Variants in CLVS1 observed in about 807,000 individuals in gnomAD.
The protein encoded by CLVS1 is clavesin 1, also known as clavesin-1.
A neutral mutation model predicts 33.1 loss-of-function variants in CLVS1; 10 were observed. The ratio of observed to expected loss-of-function variants is 0.30; its 90% CI spans 0.19 to 0.51. The LOEUF (loss-of-function observed/expected upper bound fraction) is 0.51, where lower values mean the gene tolerates loss of function less well. Ranked by LOEUF, CLVS1 falls within the 20% of genes least tolerant of loss-of-function variation. CLVS1 has a pLI of 0.97. For missense variants in CLVS1, 343 were observed against 433.4 expected (o/e 0.79, Z 1.85); for synonymous variants, 163 against 166.1 (o/e 0.98, Z 0.14).
the CLVS1 span, among the ~76,000 whole-genome samples, chr8:61,007,826 G>GGGGAGGGAA: frequency 5.3e-5 from 8 of 152,200 alleles, no homozygotes; most frequent in Admixed American, 2.6e-4. Flanking sequence ...ACAACGGAAG[G>GGGGAGGGAA]GGGAGGGAAG....
At chr8:61,307,184 A>G (rs1185210164) in intron 2 of CLVS1, among the ~76,000 whole-genome samples, 1 of 152,214 alleles carries the variant, frequency 6.6e-6, no homozygotes, top group Non-Finnish European at 1.5e-5. Context: ...AATGCATTGC[A>G]AGTCATAATA....
At chr8:61,176,009 A>T (rs959615019) in intron 2 of CLVS1, among the ~76,000 whole-genome samples, 1 of 152,114 alleles carries the variant, frequency 6.6e-6, no homozygotes, top group Non-Finnish European at 1.5e-5. Context: ...CAGACCAAAC[A>T]CACTCTAGAT....
the CLVS1 span, among the ~76,000 whole-genome samples, chr8:61,011,621 G>A: frequency 6.6e-6 from 1 of 151,854 alleles, no homozygotes; most frequent in African/African-American, 2.4e-5. Context: ...GCTAATTTTT[G>A]TATTTTTAGT....
At chr8:61,416,340 A>G (rs1463341817) in intron 3 of CLVS1, among the ~76,000 whole-genome samples, 1 of 152,036 alleles carries the variant, frequency 6.6e-6, no homozygotes, top group Non-Finnish European at 1.5e-5. Context: ...ATACATACAT[A>G]CATACATACA....
intron 5 of CLVS1, among the ~76,000 whole-genome samples, chr8:61,491,972 T>C (rs1804103790): frequency 6.6e-6 from 1 of 152,190 alleles, no homozygotes; most frequent in South Asian, 2.1e-4. Flanking sequence ...AGGAGGGTTT[T>C]GTGAGTGTCA....
intron 1 of CLVS1, among the ~76,000 whole-genome samples, chr8:61,131,121 G>A (rs992946861): frequency 9.2e-5 from 14 of 152,182 alleles, no homozygotes; most frequent in African/African-American, 2.9e-4. Flanking sequence ...CCTAATGTGA[G>A]CCTCTTACCA....
At chr8:61,463,328 CT>C (rs1817435828) in intron 5 of CLVS1, among the ~76,000 whole-genome samples, 1 of 127,724 alleles carries the variant, frequency 7.8e-6, no homozygotes, top group Admixed American at 8.7e-5. Context: ...GGTTGTTGCA[CT>C]TTCTTAGCAT....
At chr8:61,008,366 T>C in the CLVS1 span, among the ~76,000 whole-genome samples, 3 of 151,992 alleles carry the variant, frequency 2.0e-5, no homozygotes, top group African/African-American at 7.3e-5. Flanking sequence ...ACCCCACTGT[T>C]AGAAAATTTT....
chr8:61,016,671 A>G, the CLVS1 span, among the ~76,000 whole-genome samples: 1 of 152,248 alleles, frequency 6.6e-6, no homozygotes, highest in Non-Finnish European at 1.5e-5. Context: ...GTGCATACAT[A>G]AGAGTGGAAG....
At chr8:61,475,572 T>C (rs1475780828) in intron 5 of CLVS1, among the ~76,000 whole-genome samples, 1 of 152,186 alleles carries the variant, frequency 6.6e-6, no homozygotes, top group African/African-American at 2.4e-5. Flanking sequence ...TTTCATGTGT[T>C]TTTTGGCTGC....
chr8:61,467,908 A>C (rs1367262183), intron 5 of CLVS1, among the ~76,000 whole-genome samples: 2 of 152,240 alleles, frequency 1.3e-5, no homozygotes, highest in African/African-American at 4.8e-5. Context: ...TCCACCACTA[A>C]GGACCTCTTC....
chr8:61,313,922 G>A (rs1048805974), intron 2 of CLVS1, among the ~76,000 whole-genome samples: 12 of 152,114 alleles, frequency 7.9e-5, no homozygotes, highest in Admixed American at 5.2e-4. Flanking sequence ...GGCACCACCT[G>A]GGAGTCATGG....
chr8:61,362,470 C>G (rs1224753072), intron 2 of CLVS1, among the ~76,000 whole-genome samples: 1 of 152,124 alleles, frequency 6.6e-6, no homozygotes, highest in Admixed American at 6.5e-5. Context: ...TTCACTGAGC[C>G]CTTCCAGATC....
chr8:61,004,485 C>G, the CLVS1 span, among the ~76,000 whole-genome samples: 7 of 152,322 alleles, frequency 4.6e-5, no homozygotes, highest in South Asian at 1.0e-3. Flanking sequence ...ACTGAAGGCT[C>G]AGTTCAGACT....
At chr8:61,408,451 A>C (rs2129603906) in intron 3 of CLVS1, among the ~76,000 whole-genome samples, 1 of 152,304 alleles carries the variant, frequency 6.6e-6, no homozygotes, top group East Asian at 1.9e-4. Flanking sequence ...CACCTGCCCC[A>C]AGTCTTTACT....
intron 2 of CLVS1, among the ~76,000 whole-genome samples, chr8:61,140,382 C>A (rs954479915): frequency 6.6e-6 from 1 of 152,062 alleles, no homozygotes; most frequent in Non-Finnish European, 1.5e-5. Flanking sequence ...AATTAACTTC[C>A]GCTAAGAGAT....
intron 2 of CLVS1, among the ~76,000 whole-genome samples, chr8:61,266,121 T>A (rs977308018): frequency 2.0e-5 from 3 of 152,168 alleles, no homozygotes; most frequent in Admixed American, 1.3e-4. Flanking sequence ...ACCTGATTTC[T>A]ATGATCCTGA....
chr8:61,415,862 T>C (rs905362981), intron 3 of CLVS1, among the ~76,000 whole-genome samples: 2 of 152,192 alleles, frequency 1.3e-5, no homozygotes, highest in African/African-American at 4.8e-5. Flanking sequence ...TTATTTCCTA[T>C]CTCCATTGAT....
At chr8:61,383,599 A>G (rs151100393) in intron 3 of CLVS1, among the ~76,000 whole-genome samples, 1 of 152,302 alleles carries the variant, frequency 6.6e-6, no homozygotes, top group Non-Finnish European at 1.5e-5. Flanking sequence ...AGAGTGCATT[A>G]TGTTATGATA....
Sources: gnomAD v4.1 joint callset for allele counts (sites outside exome capture counted in the v4.1 genomes callset) on GRCh38, gnomAD v4.1.1 for gene constraint, MANE v1.5 for transcripts, NCBI Gene and HGNC (gene_info 2026-07-23, HGNC 2026-07-21) for gene names.